Variants in WWOX observed in about 807,000 individuals in gnomAD.
WWOX encodes the protein WW domain containing oxidoreductase, also known as WW domain-containing oxidoreductase.
A neutral mutation model predicts 46.2 loss-of-function variants in WWOX; 69 were observed. That is an observed-to-expected ratio of 1.49 (90% CI 1.23 to 1.82). The LOEUF is 1.82. Ranked by LOEUF, WWOX falls within the 40% of genes most tolerant of loss-of-function variation. The pLI is 0.00. For missense variants in WWOX, 919 were observed against 542.6 expected (o/e 1.69, Z -6.89); for synonymous variants, 359 against 202.6 (o/e 1.77, Z -6.56).
rs181337011 is a variant in WWOX, at chr16:78,309,214, C to T, written c.517-77646C>T. ...GGTGGATGTAATTGAATCATATACT[C>T]CCGATAGTGAGTTCTCACGTGATCC... On this transcript the variant is annotated intron_variant, in intron 5 of 8. Coordinates refer to ENST00000566780, the MANE Select transcript of WWOX (RefSeq NM_016373.4). 3.4e-3 allele frequency among the ~76,000 whole-genome samples: 523 copies of T among 152,288 alleles called. 5 individuals carry two copies. The highest frequency in any genetic ancestry group is 0.024 in the South Asian group (117 of 4,818).
intron 8 of WWOX, among the ~76,000 whole-genome samples, chr16:78,685,070 C>T (rs1018318589): frequency 6.6e-6 from 1 of 152,164 alleles, no homozygotes; most frequent in Non-Finnish European, 1.5e-5. Flanking sequence ...GTAACATCGT[C>T]CACCCTCTGA....
At chr16:78,195,714 T>A (rs989703972) in intron 5 of WWOX, among the ~76,000 whole-genome samples, 4 of 147,046 alleles carry the variant, frequency 2.7e-5, no homozygotes, top group African/African-American at 1.0e-4. Flanking sequence ...CCCAGCTAGT[T>A]GGGAGGCTGA....
intron 5 of WWOX, among the ~76,000 whole-genome samples, chr16:78,346,967 T>G (rs2081104075): frequency 8.4e-6 from 1 of 119,682 alleles, no homozygotes; most frequent in East Asian, 1.9e-4. Context: ...TCAGGTGATC[T>G]GCCTGCCTCG....
At chr16:79,106,374 C>G (rs1377129521) in intron 8 of WWOX, among the ~76,000 whole-genome samples, 1 of 152,174 alleles carries the variant, frequency 6.6e-6, no homozygotes, top group Non-Finnish European at 1.5e-5. Context: ...TGTGTTCACA[C>G]TCACCTACTT....
chr16:78,123,428 G>GTTTTTTTTTTTTTTTTTTTTT (rs1330107026), intron 4 of WWOX: 1 of 61,050 alleles, frequency 1.6e-5, no homozygotes, highest in Non-Finnish European at 3.6e-5. Flanking sequence ...TTTTTTCTTT[G>GTTTTTTTTTTTTTTTTTTTTT]TTTTTTGTTT....
chr16:78,916,754 C>T (rs1407850602), intron 8 of WWOX, among the ~76,000 whole-genome samples: 3 of 152,180 alleles, frequency 2.0e-5, no homozygotes, highest in Non-Finnish European at 2.9e-5. Flanking sequence ...CTGATAAATT[C>T]TGGGAAAGTT....
intron 8 of WWOX, among the ~76,000 whole-genome samples, chr16:78,935,662 G>A (rs1346120288): frequency 2.0e-5 from 3 of 151,776 alleles, no homozygotes; most frequent in Admixed American, 6.6e-5. Context: ...TGTAAATGAC[G>A]AGTTAATGGG....
intron 8 of WWOX, among the ~76,000 whole-genome samples, chr16:78,971,665 T>TC (rs1302670629): frequency 1.3e-5 from 2 of 151,944 alleles, no homozygotes; most frequent in Non-Finnish European, 2.9e-5. Context: ...TCCTTAGGGT[T>TC]CCTTTTTTTC....
intron 8 of WWOX, among the ~76,000 whole-genome samples, chr16:78,612,898 C>T (rs535462588): frequency 1.3e-5 from 2 of 152,196 alleles, no homozygotes; most frequent in East Asian, 3.9e-4. Flanking sequence ...CATGAGTGCT[C>T]AAGAAATAGT....
At chr16:79,179,427 A>T (rs2150783369) in intron 8 of WWOX, among the ~76,000 whole-genome samples, 1 of 152,334 alleles carries the variant, frequency 6.6e-6, no homozygotes, top group South Asian at 2.1e-4. Context: ...CAACTAATGG[A>T]ATCCTAACTA....
chr16:78,266,259 G>T (rs2079359902), intron 5 of WWOX, among the ~76,000 whole-genome samples: 2 of 152,316 alleles, frequency 1.3e-5, no homozygotes, highest in South Asian at 4.1e-4. Context: ...TCAAATTTCA[G>T]TGTTCATAAC....
At chr16:78,402,214 A>C (rs569644520) in intron 6 of WWOX, among the ~76,000 whole-genome samples, 1 of 152,192 alleles carries the variant, frequency 6.6e-6, no homozygotes, top group Non-Finnish European at 1.5e-5. Context: ...TGGACATTTC[A>C]TATGAGTGGA....
At chr16:78,997,692 C>T (rs1285098450) in intron 8 of WWOX, among the ~76,000 whole-genome samples, 4 of 152,080 alleles carry the variant, frequency 2.6e-5, no homozygotes, top group African/African-American at 7.2e-5. Context: ...CCTTCCTTTC[C>T]CTCCTACCCC....
intron 5 of WWOX, among the ~76,000 whole-genome samples, chr16:78,285,144 A>G (rs1382176694): frequency 6.6e-6 from 1 of 152,162 alleles, no homozygotes; most frequent in South Asian, 2.1e-4. Flanking sequence ...TCAGAAGGGA[A>G]GGATTGAGGC....
intron 4 of WWOX, among the ~76,000 whole-genome samples, chr16:78,122,385 A>C (rs1237375168): frequency 6.6e-6 from 1 of 152,172 alleles, no homozygotes; most frequent in Non-Finnish European, 1.5e-5. Context: ...AACAAATGAG[A>C]GTCATACAAA....
At position 78,688,830 on chromosome 16, in the gene WWOX, G is replaced by A. The variant is rs369657937; in HGVS notation, c.1056+256078G>A. On this transcript the variant is annotated intron_variant, in intron 8 of 8. Transcript: ENST00000566780. Reference sequence around the variant, plus strand: ...TCATGGGAGGGACCCAGTGGGAGGTGATTGAATCATGTGTGCAGTTACCCC... The same window carrying A: ...TCATGGGAGGGACCCAGTGGGAGGTAATTGAATCATGTGTGCAGTTACCCC... Among the ~76,000 whole-genome samples, 23 of 152,266 alleles carry A rather than the reference G, an allele frequency of 1.5e-4. No homozygotes were observed. The East Asian group carries it at 3.5e-3, about 23-fold the overall frequency.
chr16:79,070,565 A>G (rs1183817789), intron 8 of WWOX, among the ~76,000 whole-genome samples: 1 of 152,160 alleles, frequency 6.6e-6, no homozygotes, highest in Non-Finnish European at 1.5e-5. Flanking sequence ...GCAATGAGTG[A>G]GGCAGACGGG....
At chr16:78,314,843 C>T (rs535241913) in intron 5 of WWOX, among the ~76,000 whole-genome samples, 120 of 151,948 alleles carry the variant, frequency 7.9e-4, no homozygotes, top group African/African-American at 2.8e-3. Context: ...TGAGCCATCA[C>T]GCCTGGTGAA....
chr16:79,084,266 T>C (rs2048814724), intron 8 of WWOX, among the ~76,000 whole-genome samples: 2 of 152,158 alleles, frequency 1.3e-5, no homozygotes, highest in Admixed American at 1.3e-4. Context: ...CTGACTGTGC[T>C]AGAGCTGTAC....
Sources: allele counts gnomAD v4.1 joint callset (sites outside exome capture counted in the v4.1 genomes callset), GRCh38; gene constraint gnomAD v4.1.1; transcripts MANE v1.5; gene names NCBI Gene and HGNC (gene_info 2026-07-23, HGNC 2026-07-21).